Variants in MID2 observed in about 807,000 individuals in gnomAD.
MID2 encodes the protein midline 2.
Under a neutral mutation model 46.1 loss-of-function variants are expected in MID2, and 13 were observed. The observed-to-expected ratio is 0.28, with a 90% CI of 0.18 to 0.45. The LOEUF is 0.45. MID2 is among the 20% of genes least tolerant of loss of function. The probability of loss-of-function intolerance (pLI) is 1.00; values close to 1 mark genes in which losing one functional copy is unlikely to be tolerated. For synonymous variants in MID2, 199 were observed against 212.3 expected (o/e 0.94, Z 0.55); for missense variants, 431 against 575.4 (o/e 0.75, Z 2.57).
Position 107,904,051 on chromosome X carries a change from A to G in MID2, c.910A>G (p.Ile304Val), listed in dbSNP as rs1214028985. The change falls in exon 4 of 10, where the codon ATC becomes GTC. Residue 304 changes from isoleucine to valine, a missense_variant. Coordinates refer to ENST00000262843, the MANE Select transcript of MID2 (RefSeq NM_012216.4). ...QQRKQMIAVK[I>V]KETKVMKLRK... Reference sequence around the variant, plus strand: ...GAGGAAGCAAATGATCGCTGTCAAAATCAAAGAGACAAAGGTAAAGCGCAG... The same window carrying G: ...GAGGAAGCAAATGATCGCTGTCAAAGTCAAAGAGACAAAGGTAAAGCGCAG... The G allele has an allele frequency of 2.5e-6, 3 of 1,183,749 alleles. No individual in the cohort carries two copies. Among genetic ancestry groups the G allele is most frequent in the Non-Finnish European group, 3.4e-6 (3 of 869,953 alleles).
chrX:107,910,549 T>C (rs943928831), intron 5 of MID2, among the ~76,000 whole-genome samples: 3 of 108,792 alleles, frequency 2.8e-5, no homozygotes, highest in African/African-American at 6.7e-5. Context: ...ACAGTAGTTC[T>C]ATTTTTAGTT....
intron 1 of MID2, among the ~76,000 whole-genome samples, chrX:107,832,106 A>G (rs1931101497): frequency 1.8e-5 from 2 of 112,583 alleles, no homozygotes; most frequent in African/African-American, 6.5e-5. Flanking sequence ...TGAAAAGAAC[A>G]TACATTAATT....
intron 3 of MID2, among the ~76,000 whole-genome samples, chrX:107,876,930 C>T (rs1602479982): frequency 9.0e-6 from 1 of 111,308 alleles, no homozygotes; most frequent in Non-Finnish European, 1.9e-5. Context: ...GAGACTGGGG[C>T]TTGTCCAGGG....
At chrX:107,908,884 G>A (rs1381895985) in intron 5 of MID2, among the ~76,000 whole-genome samples, 1 of 110,886 alleles carries the variant, frequency 9.0e-6, no homozygotes, top group Non-Finnish European at 1.9e-5. Flanking sequence ...AAGATATTTA[G>A]CCTTTCCTCT....
intron 7 of MID2, among the ~76,000 whole-genome samples, chrX:107,922,186 G>A (rs1205269726): frequency 9.0e-6 from 1 of 111,441 alleles, no homozygotes; most frequent in African/African-American, 3.3e-5. Context: ...TTCTGTATTT[G>A]TATGTTCCTT....
At chrX:107,833,426 TATA>T (rs1931134718) in intron 1 of MID2, among the ~76,000 whole-genome samples, 2 of 98,022 alleles carry the variant, frequency 2.0e-5, no homozygotes, top group African/African-American at 4.1e-5. Context: ...TATATATATA[TATA>T]TTTTTTTTAA....
chrX:107,909,560 C>T (rs1247153291), intron 5 of MID2, among the ~76,000 whole-genome samples: 1 of 112,066 alleles, frequency 8.9e-6, no homozygotes, highest in African/African-American at 3.2e-5. Flanking sequence ...AGCTCTGTCT[C>T]CTTAATTTTA....
chrX:107,845,525 A>ACACACACTCTCT (rs1276957001), intron 2 of MID2, among the ~76,000 whole-genome samples: 2 of 72,982 alleles, frequency 2.7e-5, no homozygotes, highest in African/African-American at 1.5e-4. Context: ...ACACACACAC[A>ACACACACTCTCT]CTCTCTCTCT....
intron 3 of MID2, among the ~76,000 whole-genome samples, chrX:107,875,465 G>A (rs907561159): frequency 9.0e-6 from 1 of 111,677 alleles, no homozygotes; most frequent in African/African-American, 3.3e-5. Context: ...GGTTTCAGGG[G>A]ATATTGTTTC....
intron 3 of MID2, among the ~76,000 whole-genome samples, chrX:107,858,165 T>C (rs890522414): frequency 1.2e-4 from 13 of 112,206 alleles, no homozygotes; most frequent in African/African-American, 3.9e-4. Context: ...CTTGTTATAA[T>C]TGCTGCTGAA....
intron 3 of MID2, among the ~76,000 whole-genome samples, chrX:107,866,602 G>A (rs1183728736): frequency 9.0e-6 from 1 of 111,608 alleles, no homozygotes; most frequent in Non-Finnish European, 1.9e-5. Flanking sequence ...CTCCACTGTG[G>A]GTTTAGCATA....
chrX:107,861,599 G>A (rs771767888), intron 3 of MID2, among the ~76,000 whole-genome samples: 19 of 112,111 alleles, frequency 1.7e-4, no homozygotes, highest in Non-Finnish European at 2.8e-4. Flanking sequence ...CAGCCTGGAC[G>A]ACAAGAGGGA....
At chrX:107,914,990 T>C (rs919198764) in intron 5 of MID2, among the ~76,000 whole-genome samples, 1 of 111,790 alleles carries the variant, frequency 8.9e-6, no homozygotes, top group Non-Finnish European at 1.9e-5. Context: ...TGGTAAAGAG[T>C]AAATTAGATA....
At chrX:107,893,824 G>C (rs1397561692) in intron 3 of MID2, among the ~76,000 whole-genome samples, 1 of 112,762 alleles carries the variant, frequency 8.9e-6, no homozygotes, top group South Asian at 3.6e-4. Flanking sequence ...ATAATATAAA[G>C]TACTAGCACA....
chrX:107,896,493 G>A (rs1932736826), intron 3 of MID2: 1 of 112,845 alleles, frequency 8.9e-6, no homozygotes, highest in African/African-American at 3.2e-5. Flanking sequence ...AACACAGAAT[G>A]GCCACATGGC....
At chrX:107,876,833 T>C (rs1433500012) in intron 3 of MID2, among the ~76,000 whole-genome samples, 1 of 112,105 alleles carries the variant, frequency 8.9e-6, no homozygotes, top group Non-Finnish European at 1.9e-5. Context: ...GTGATCCCCC[T>C]TAATCTGCCT....
intron 1 of MID2, among the ~76,000 whole-genome samples, chrX:107,839,082 A>G (rs988493597): frequency 3.6e-5 from 4 of 110,650 alleles, no homozygotes; most frequent in Non-Finnish European, 7.6e-5. Context: ...GTACCACTGC[A>G]CTCCACCCTG....
chrX:107,901,409 G>A (rs757279714), intron 3 of MID2, among the ~76,000 whole-genome samples: 44 of 111,820 alleles, frequency 3.9e-4, no homozygotes, highest in Admixed American at 1.6e-3. Flanking sequence ...AATCAGAGGT[G>A]GAAGCCAGAT....
At chrX:107,882,305 C>G (rs1163940724) in intron 3 of MID2, among the ~76,000 whole-genome samples, 1 of 111,928 alleles carries the variant, frequency 8.9e-6, no homozygotes, top group Non-Finnish European at 1.9e-5. Context: ...GCAAGGACTT[C>G]ATGTCTAAAA....
Sources: gnomAD v4.1 joint callset for allele counts (sites outside exome capture counted in the v4.1 genomes callset) on GRCh38, gnomAD v4.1.1 for gene constraint, MANE v1.5 for transcripts, NCBI Gene and HGNC (gene_info 2026-07-23, HGNC 2026-07-21) for gene names.